PHEX: variants seen among roughly 807,000 people sequenced by gnomAD.
The protein encoded by PHEX is phosphate-regulating neutral endopeptidase PHEX.
PHEX carries 16 observed loss-of-function variants against 68.0 expected under a neutral mutation model. The ratio of observed to expected loss-of-function variants is 0.24; its 90% CI spans 0.16 to 0.36. The LOEUF (loss-of-function observed/expected upper bound fraction) is 0.36, where lower values mean the gene tolerates loss of function less well. Ranked by LOEUF, PHEX falls within the 10% of genes least tolerant of loss-of-function variation. The pLI is 1.00. For missense variants in PHEX, 480 were observed against 575.5 expected (o/e 0.83, Z 1.70); for synonymous variants, 208 against 205.1 (o/e 1.01, Z -0.12).
At chrX:22,246,005 G>A (rs1936381099) in intron 21 of PHEX, among the ~76,000 whole-genome samples, 1 of 111,518 alleles carries the variant, frequency 9.0e-6, no homozygotes, top group African/African-American at 3.3e-5. Context: ...ACACAAAGGA[G>A]GATACAAAGT....
rs760747490 is a variant in PHEX at position 22,243,815 on chromosome X, C to T, written c.2071-1518C>T. On this transcript the variant is annotated intron_variant, in intron 20 of 21. Transcript: ENST00000379374. ...TGGAGAGAATGTGGAGAAATAGGAACGCTTTTACATTGTTGGTGGGAGCGT... is the reference window on the plus strand; with the variant it reads ...TGGAGAGAATGTGGAGAAATAGGAATGCTTTTACATTGTTGGTGGGAGCGT... Among the ~76,000 whole-genome samples the T allele has an allele frequency of 8.0e-5, 9 of 112,196 alleles. No homozygotes were observed. The East Asian group carries it at 1.1e-3, about 14-fold the overall frequency.
At chrX:22,210,969 G>A (rs1265734468) in intron 15 of PHEX, among the ~76,000 whole-genome samples, 1 of 111,462 alleles carries the variant, frequency 9.0e-6, no homozygotes, top group Non-Finnish European at 1.9e-5. Flanking sequence ...TTAAGAAGAG[G>A]GAGGAAGAAC....
chrX:22,174,151 A>G (rs1349476691), intron 13 of PHEX, among the ~76,000 whole-genome samples: 1 of 111,757 alleles, frequency 8.9e-6, no homozygotes, highest in African/African-American at 3.2e-5. Context: ...TGACACAAGA[A>G]TCCCAATTAA....
At chrX:22,180,753 A>C (rs1933859891) in intron 14 of PHEX, among the ~76,000 whole-genome samples, 1 of 110,512 alleles carries the variant, frequency 9.0e-6, no homozygotes, top group Non-Finnish European at 1.9e-5. Flanking sequence ...GTACCCATTA[A>C]CCATCCCCTC....
intron 3 of PHEX, among the ~76,000 whole-genome samples, chrX:22,055,936 G>A (rs917958193): frequency 9.0e-6 from 1 of 111,656 alleles, no homozygotes; most frequent in African/African-American, 3.3e-5. Flanking sequence ...TCTGCTCTAA[G>A]CCTTCCATTT....
At chrX:22,176,765 T>C (rs1364736663) in intron 13 of PHEX, among the ~76,000 whole-genome samples, 1 of 111,283 alleles carries the variant, frequency 9.0e-6, no homozygotes, top group Admixed American at 9.7e-5. Context: ...TTAAAAACTT[T>C]AAATTTCCTC....
At chrX:22,101,973 G>C (rs1255120178) in intron 9 of PHEX, among the ~76,000 whole-genome samples, 1 of 111,090 alleles carries the variant, frequency 9.0e-6, no homozygotes, top group Non-Finnish European at 1.9e-5. Flanking sequence ...ATTTTTGTGG[G>C]CACAGGACAT....
At chrX:22,055,720 C>T (rs1928072621) in intron 3 of PHEX, among the ~76,000 whole-genome samples, 1 of 111,506 alleles carries the variant, frequency 9.0e-6, no homozygotes, top group Admixed American at 9.5e-5. Context: ...TGCCACATGC[C>T]CAGCTAATTT....
intron 20 of PHEX, among the ~76,000 whole-genome samples, chrX:22,228,716 A>ATACTTTACTTTACTT (rs376716075): frequency 1.0e-4 from 11 of 107,111 alleles, no homozygotes; most frequent in African/African-American, 3.0e-4. Flanking sequence ...CAGATGTTTC[A>ATACTTTACTTTACTT]TACTTTACTT....
chrX:22,147,597 G>T (rs755664417), intron 12 of PHEX, among the ~76,000 whole-genome samples: 3 of 110,023 alleles, frequency 2.7e-5, no homozygotes, highest in East Asian at 2.9e-4. Context: ...CAAGCAGAGG[G>T]CATGACAGCA....
At chrX:22,185,635 C>T (rs931853994) in intron 14 of PHEX, among the ~76,000 whole-genome samples, 18 of 111,386 alleles carry the variant, frequency 1.6e-4, no homozygotes, top group African/African-American at 5.9e-4. Context: ...TTCAGCATTC[C>T]ATTTATCTAT....
chrX:22,216,754 AG>A, intron 16 of PHEX, among the ~76,000 whole-genome samples: 1 of 110,503 alleles, frequency 9.0e-6, no homozygotes, highest in South Asian at 3.9e-4. Flanking sequence ...TCCCGACCCC[AG>A]GTAATCCACC....
chrX:22,149,747 T>C (rs1932811647), intron 12 of PHEX, among the ~76,000 whole-genome samples: 1 of 112,940 alleles, frequency 8.9e-6, no homozygotes, highest in African/African-American at 3.2e-5. Flanking sequence ...AGAGCGAGAC[T>C]CCGTCTCAAA....
Position 22,097,036 on chromosome X carries a change from C to G in PHEX, c.931C>G (p.Gln311Glu), listed in dbSNP as rs1321395083. Residue 311 changes from glutamine to glutamate, a missense_variant and splice_region_variant, in exon 8 of 22, where the codon CAG becomes GAG. Transcript: ENST00000379374. ...TTCTGAACTGAGTGCTATGATTCCC[C>G]AGGTTGGTGAAAACTATCCAGAAAA... ...NISELSAMIP[Q>E]FDWLGYIKKV... 1.7e-6 allele frequency: 2 copies of G among 1,173,735 alleles called. No homozygotes were observed.
chrX:22,133,946 G>A (rs1392508302), intron 12 of PHEX, among the ~76,000 whole-genome samples: 2 of 112,157 alleles, frequency 1.8e-5, no homozygotes, highest in Non-Finnish European at 3.8e-5. Flanking sequence ...ATGGCAGAAT[G>A]CAGAGCAGTG....
intron 3 of PHEX, among the ~76,000 whole-genome samples, chrX:22,049,435 C>G (rs1927709839): frequency 9.0e-6 from 1 of 111,054 alleles, no homozygotes; most frequent in Admixed American, 9.6e-5. Context: ...TTATAAATAA[C>G]ACTGTAATAA....
At chrX:22,077,384 TG>T in intron 4 of PHEX, 91 bp from the exon 5 acceptor site, 2 of 787,571 alleles carry the variant, frequency 2.5e-6, no homozygotes, top group South Asian at 4.2e-5. Context: ...TGGAGCATTA[TG>T]GGAATTTTGT....
intron 3 of PHEX, among the ~76,000 whole-genome samples, chrX:22,068,774 C>T (rs1216821554): frequency 2.7e-5 from 3 of 112,051 alleles, no homozygotes; most frequent in Non-Finnish European, 5.6e-5. Flanking sequence ...TGTTCAGGAA[C>T]GACCATTGCA....
chrX:22,051,790 A>G (rs1927844754), intron 3 of PHEX, among the ~76,000 whole-genome samples: 1 of 111,560 alleles, frequency 9.0e-6, no homozygotes, highest in African/African-American at 3.2e-5. Flanking sequence ...CAGATAGTAT[A>G]TGATAAAATA....
Sources: allele counts gnomAD v4.1 joint callset (sites outside exome capture counted in the v4.1 genomes callset), GRCh38; gene constraint gnomAD v4.1.1; transcripts MANE v1.5; gene names NCBI Gene and HGNC (gene_info 2026-07-23, HGNC 2026-07-21).